Variants in SAMTOR observed in about 807,000 individuals in gnomAD.
SAMTOR encodes the protein UPF0532 protein C7orf60.
chr7:112,884,951 C>T, the SAMTOR span, among the ~76,000 whole-genome samples: 49 of 152,360 alleles, frequency 3.2e-4, 1 homozygote, highest in South Asian at 9.7e-3. Context: ...ATGTTTCATA[C>T]ATCCTCTGAA....
At chr7:112,845,657 G>A in the SAMTOR span, among the ~76,000 whole-genome samples, 8 of 152,076 alleles carry the variant, frequency 5.3e-5, no homozygotes, top group Admixed American at 1.3e-4. Flanking sequence ...TAGTTCAACC[G>A]TTATGGAAAG....
At chr7:112,890,682 T>C in the SAMTOR span, among the ~76,000 whole-genome samples, 1 of 151,072 alleles carries the variant, frequency 6.6e-6, no homozygotes, top group Middle Eastern at 3.2e-3. Context: ...TATATACATA[T>C]ATATGAATAC....
the SAMTOR span, among the ~76,000 whole-genome samples, chr7:112,831,801 G>C: frequency 6.6e-6 from 1 of 152,190 alleles, no homozygotes; most frequent in African/African-American, 2.4e-5. Context: ...CAAGTGTTAA[G>C]TAGTTTCATC....
the SAMTOR span, among the ~76,000 whole-genome samples, chr7:112,924,162 G>C: frequency 1.6e-4 from 25 of 151,772 alleles, no homozygotes; most frequent in African/African-American, 5.8e-4. Flanking sequence ...CCTGCACATT[G>C]TGCATATGTA....
chr7:112,926,120 C>G, the SAMTOR span, among the ~76,000 whole-genome samples: 1 of 152,104 alleles, frequency 6.6e-6, no homozygotes, highest in African/African-American at 2.4e-5. Context: ...TGGGCTCCAG[C>G]AGTGTGGGAG....
At chr7:112,824,773 CA>C in the SAMTOR span, among the ~76,000 whole-genome samples, 3 of 152,132 alleles carry the variant, frequency 2.0e-5, no homozygotes, top group Non-Finnish European at 4.4e-5. Context: ...CCATCTTGGG[CA>C]AAAATCACGT....
At chr7:112,913,957 C>A in the SAMTOR span, among the ~76,000 whole-genome samples, 1 of 152,156 alleles carries the variant, frequency 6.6e-6, no homozygotes, top group South Asian at 2.1e-4. Flanking sequence ...GCCACTCACC[C>A]CAACTAGCAC....
chr7:112,821,958 G>A, the SAMTOR span: 1 of 1,612,876 alleles, frequency 6.2e-7, no homozygotes, highest in Non-Finnish European at 8.5e-7. Context: ...TAACATTCCT[G>A]GGTAGTTCCT....
the SAMTOR span, among the ~76,000 whole-genome samples, chr7:112,840,734 T>C: frequency 0.011 from 1,621 of 151,932 alleles, 30 homozygotes; most frequent in African/African-American, 0.037. Context: ...GTAGAAATTT[T>C]CAAGCAATTC....
chr7:112,866,448 A>C, the SAMTOR span, among the ~76,000 whole-genome samples: 5 of 152,236 alleles, frequency 3.3e-5, no homozygotes, highest in Non-Finnish European at 5.9e-5. Flanking sequence ...CAACATTACA[A>C]CTAAAGAAGC....
the SAMTOR span, among the ~76,000 whole-genome samples, chr7:112,929,979 T>C: frequency 1.1e-5 from 1 of 94,696 alleles, no homozygotes; most frequent in Non-Finnish European, 3.0e-5. Flanking sequence ...CATCAAATTC[T>C]CTAAAAAAGC....
At chr7:112,922,834 G>T in the SAMTOR span, among the ~76,000 whole-genome samples, 2 of 151,444 alleles carry the variant, frequency 1.3e-5, no homozygotes, top group African/African-American at 4.9e-5. Context: ...GGGAGGTGGG[G>T]GGTCAGACCC....
At chr7:112,849,002 T>C in the SAMTOR span, among the ~76,000 whole-genome samples, 63 of 151,620 alleles carry the variant, frequency 4.2e-4, no homozygotes, top group African/African-American at 1.4e-3. Flanking sequence ...TGATCCAAGA[T>C]TGTGCCACTG....
chr7:112,852,294 T>C, the SAMTOR span, among the ~76,000 whole-genome samples: 20 of 152,154 alleles, frequency 1.3e-4, no homozygotes, highest in African/African-American at 4.6e-4. Flanking sequence ...AAAAATGAAA[T>C]TACGTCTTTT....
At chr7:112,874,236 T>C in the SAMTOR span, among the ~76,000 whole-genome samples, 1 of 152,130 alleles carries the variant, frequency 6.6e-6, no homozygotes, top group South Asian at 2.1e-4. Flanking sequence ...AAAAGACAGC[T>C]GTACCCTTAT....
the SAMTOR span, chr7:112,915,283 C>T: frequency 3.1e-4 from 497 of 1,579,946 alleles, no homozygotes; most frequent in Non-Finnish European, 3.0e-4. Context: ...AAACCAAAAA[C>T]GTTAATTCAT....
At chr7:112,935,589 T>A in the SAMTOR span, among the ~76,000 whole-genome samples, 1 of 152,048 alleles carries the variant, frequency 6.6e-6, no homozygotes, top group Admixed American at 6.6e-5. Context: ...ACTTTTACTT[T>A]TTTTTGTGAT....
the SAMTOR span, among the ~76,000 whole-genome samples, chr7:112,875,481 T>C: frequency 1.3e-5 from 2 of 152,186 alleles, no homozygotes; most frequent in African/African-American, 4.8e-5. Context: ...TGTATTAGCA[T>C]TAAAAATGAA....
the SAMTOR span, among the ~76,000 whole-genome samples, chr7:112,824,576 T>G: frequency 1.3e-5 from 2 of 152,156 alleles, no homozygotes; most frequent in Non-Finnish European, 2.9e-5. Context: ...TTGGCCAGGC[T>G]GGTCTCGAAC....
Sources: gnomAD v4.1 joint callset for allele counts (sites outside exome capture counted in the v4.1 genomes callset) on GRCh38, gnomAD v4.1.1 for gene constraint, MANE v1.5 for transcripts, NCBI Gene and HGNC (gene_info 2026-07-23, HGNC 2026-07-21) for gene names.